The following PSPH variants were observed in gnomAD, a reference collection of about 807,000 sequenced individuals.
The protein encoded by PSPH is phosphoserine phosphatase.
Under a neutral mutation model 23.4 loss-of-function variants are expected in PSPH, and 16 were observed. The observed-to-expected ratio is 0.68, with a 90% CI of 0.46 to 1.04. The LOEUF is 1.04. Ranked by LOEUF, PSPH falls within the 50% of genes least tolerant of loss-of-function variation. The probability of loss-of-function intolerance (pLI) is 0.00; values close to 1 mark genes in which losing one functional copy is unlikely to be tolerated. For missense variants in PSPH, 223 were observed against 273.7 expected, an observed-to-expected ratio of 0.81 and a Z score of 1.31; for synonymous variants, 68 against 99.7, an observed-to-expected ratio of 0.68 and a Z score of 1.89.
intron 1 of PSPH, among the ~76,000 whole-genome samples, chr7:56,048,929 T>A (rs1793608112): frequency 6.6e-6 from 1 of 151,748 alleles, no homozygotes; most frequent in Non-Finnish European, 1.5e-5. Flanking sequence ...GGTGGTTGTT[T>A]TTTTCTTTGA....
chr7:56,028,970 G>A (rs567745279), intron 3 of PSPH, among the ~76,000 whole-genome samples: 2 of 151,968 alleles, frequency 1.3e-5, no homozygotes, highest in South Asian at 4.2e-4. Flanking sequence ...CTGCCACCAC[G>A]CCTGGCTAAT....
intron 1 of PSPH, among the ~76,000 whole-genome samples, chr7:56,042,296 A>G (rs560159508): frequency 6.6e-6 from 1 of 152,206 alleles, no homozygotes; most frequent in South Asian, 2.1e-4. Context: ...AAATACAAAT[A>G]TAGAGATTCA....
At chr7:56,026,555 A>T (rs932439715) in intron 3 of PSPH, among the ~76,000 whole-genome samples, 1 of 149,860 alleles carries the variant, frequency 6.7e-6, no homozygotes, top group African/African-American at 2.5e-5. Context: ...TGTTCCCAGG[A>T]CTTTGGGCAG....
intron 1 of PSPH, among the ~76,000 whole-genome samples, chr7:56,050,583 T>G (rs1641249604): frequency 6.6e-6 from 1 of 152,176 alleles, no homozygotes. Flanking sequence ...TGAGTCATTC[T>G]TACAAAGAAC....
intron 1 of PSPH, among the ~76,000 whole-genome samples, chr7:56,048,029 G>A (rs534093049): frequency 2.2e-4 from 33 of 151,858 alleles, no homozygotes; most frequent in African/African-American, 6.8e-4. Context: ...CTGTAATCCC[G>A]GCACTTTGGG....
At chr7:56,014,056 A>C (rs192130947) in intron 7 of PSPH, among the ~76,000 whole-genome samples, 5 of 152,110 alleles carry the variant, frequency 3.3e-5, no homozygotes, top group Admixed American at 1.3e-4. Context: ...TTGAGCCCAG[A>C]GGGCGGAGGT....
At chr7:56,046,839 G>A (rs1440557418) in intron 1 of PSPH, among the ~76,000 whole-genome samples, 1 of 149,410 alleles carries the variant, frequency 6.7e-6, no homozygotes, top group East Asian at 2.0e-4. Flanking sequence ...ATAGACATCA[G>A]CCACTACACC....
intron 1 of PSPH, among the ~76,000 whole-genome samples, chr7:56,039,656 G>T (rs1792221442): frequency 1.3e-5 from 2 of 150,726 alleles, no homozygotes; most frequent in South Asian, 4.2e-4. Context: ...CGTGCCTGTA[G>T]TCCCACCTAC....
At chr7:56,019,805 G>T in intron 4 of PSPH, 71 bp from the exon 5 acceptor site, 1 of 1,589,738 alleles carries the variant, frequency 6.3e-7, no homozygotes. Context: ...TTACTGCCCC[G>T]GGTCTGCACG....
intron 7 of PSPH, among the ~76,000 whole-genome samples, chr7:56,014,284 T>A (rs1294158627): frequency 6.6e-6 from 1 of 152,190 alleles, no homozygotes; most frequent in East Asian, 1.9e-4. Flanking sequence ...GAAATCAACT[T>A]ATTGAGCACA....
intron 1 of PSPH, among the ~76,000 whole-genome samples, chr7:56,043,769 A>T (rs1412846908): frequency 1.3e-5 from 2 of 151,652 alleles, no homozygotes; most frequent in Non-Finnish European, 2.9e-5. Context: ...TGGAAGCTGC[A>T]GTGAGCTGTG....
chr7:56,030,390 C>T (rs1281405771), intron 3 of PSPH, among the ~76,000 whole-genome samples: 2 of 151,734 alleles, frequency 1.3e-5, no homozygotes, highest in Non-Finnish European at 2.9e-5. Context: ...GAGCTCACCT[C>T]GGCCTCCCAA....
intron 1 of PSPH, among the ~76,000 whole-genome samples, chr7:56,039,066 C>T (rs1219844134): frequency 6.6e-6 from 1 of 151,040 alleles, no homozygotes; most frequent in Non-Finnish European, 1.5e-5. Context: ...TCGCTTGAAC[C>T]CGGGAGGCGG....
Position 56,019,684 on chromosome 7 carries a change from T to C in PSPH, c.191A>G (p.Glu64Gly), listed in dbSNP as rs761772959. Residue 64 changes from glutamate to glycine, a missense_variant, in exon 5 of 8, where the codon GAG becomes GGG. Physicochemically the swap from Glu to Gly is moderately conservative, Grantham distance 98. Transcript: ENST00000275605. The stretch of plus-strand genomic sequence containing the variant: ...GGAGGGCTGGATGAGGGCTAAGCGC[T>C]CTGTGAGAGCAGCTTTGAAAGGCAC... ...GAVPFKAALT[E>G]RLALIQPSRE... 5 of 1,613,892 alleles carry C rather than the reference T, an allele frequency of 3.1e-6. No homozygotes were observed. The highest frequency in any genetic ancestry group is 4.2e-6 in the Non-Finnish European group (5 of 1,179,876).
chr7:56,013,156 T>TATACACAC (rs1411319237), intron 7 of PSPH, among the ~76,000 whole-genome samples: 1 of 142,098 alleles, frequency 7.0e-6, no homozygotes, highest in Non-Finnish European at 1.5e-5. Flanking sequence ...TGTATGTGTA[T>TATACACAC]ACACACACAC....
chr7:56,049,193 G>C (rs1793647314), intron 1 of PSPH, among the ~76,000 whole-genome samples: 1 of 151,806 alleles, frequency 6.6e-6, no homozygotes, highest in Non-Finnish European at 1.5e-5. Context: ...CAAAGTGCTG[G>C]GATTACAGGC....
rs566745005 is a variant in PSPH at position 56,019,507 on chromosome 7, G to C, written c.275+93C>G. 12 of 1,495,100 alleles carry C rather than the reference G, an allele frequency of 8.0e-6. No homozygotes were observed. In the African/African-American group the frequency reaches 8.3e-5, roughly 10 times the overall value. The allele number at this position is 1,495,100 out of a possible 1,614,324, so 92.6% of individuals were successfully genotyped here. The stretch of plus-strand genomic sequence containing the variant: ...AAAATGAAAATAAATAAACCACCCA[G>C]AGGGCACTCTAAAGGAATAGTTAGA... On this transcript the variant is annotated intron_variant, in intron 5 of 7. Coordinates refer to ENST00000275605, the MANE Select transcript of PSPH (RefSeq NM_004577.4).
intron 1 of PSPH, among the ~76,000 whole-genome samples, chr7:56,035,659 G>A (rs1791631742): frequency 6.6e-6 from 1 of 151,476 alleles, no homozygotes; most frequent in Non-Finnish European, 1.5e-5. Flanking sequence ...TCACTCTGTT[G>A]CCCAGGCTGG....
intron 3 of PSPH, among the ~76,000 whole-genome samples, chr7:56,022,343 GA>G (rs111806436): frequency 4.0e-5 from 6 of 150,516 alleles, no homozygotes; most frequent in Non-Finnish European, 5.9e-5. Flanking sequence ...CTAACTAAAA[GA>G]AAAAAAAAGA....
Sources: allele counts gnomAD v4.1 joint callset (sites outside exome capture counted in the v4.1 genomes callset), GRCh38; gene constraint gnomAD v4.1.1; transcripts MANE v1.5; gene names NCBI Gene and HGNC (gene_info 2026-07-23, HGNC 2026-07-21).